CSMD3: variants seen among roughly 807,000 people sequenced by gnomAD.
CSMD3 encodes the protein CUB and Sushi multiple domains 3, also known as CUB and sushi domain-containing protein 3.
A neutral mutation model predicts 435.2 loss-of-function variants in CSMD3; 177 were observed. The observed-to-expected ratio is 0.41, with a 90% CI of 0.36 to 0.46. The LOEUF is 0.46. CSMD3 is among the 20% of genes least tolerant of loss of function. The pLI is 0.34. For synonymous variants in CSMD3, 1,656 were observed against 1,520.5 expected, an observed-to-expected ratio of 1.09 and a Z score of -2.07; for missense variants, 4,265 against 4,504.6, an observed-to-expected ratio of 0.95 and a Z score of 1.52.
chr8:112,734,756 ATG>A (rs1205833586), intron 13 of CSMD3, among the ~76,000 whole-genome samples: 1 of 151,872 alleles, frequency 6.6e-6, no homozygotes. Context: ...TTAACTGTAA[ATG>A]TGAATAAGTT....
chr8:112,729,180 T>C (rs1351230436), intron 13 of CSMD3, among the ~76,000 whole-genome samples: 2 of 151,944 alleles, frequency 1.3e-5, no homozygotes, highest in African/African-American at 4.8e-5. Flanking sequence ...CAAAAGTGAA[T>C]GAGAGTGCAG....
intron 6 of CSMD3, among the ~76,000 whole-genome samples, chr8:112,992,769 A>C (rs944882783): frequency 2.0e-5 from 3 of 151,598 alleles, no homozygotes; most frequent in African/African-American, 7.3e-5. Context: ...CTTCACTGTC[A>C]ATGGGTAGTG....
At chr8:112,425,926 A>C (rs1813022691) in intron 32 of CSMD3, among the ~76,000 whole-genome samples, 1 of 152,200 alleles carries the variant, frequency 6.6e-6, no homozygotes, top group African/African-American at 2.4e-5. Context: ...GAAGAAACAC[A>C]CACTGAAGTT....
At chr8:112,479,971 T>C (rs992934635) in intron 31 of CSMD3, among the ~76,000 whole-genome samples, 24 of 152,264 alleles carry the variant, frequency 1.6e-4, no homozygotes, top group African/African-American at 5.8e-4. Context: ...AGCTTGCACC[T>C]CTGCCTGGAA....
intron 18 of CSMD3, 137 bp downstream of exon 18, chr8:112,656,017 A>G (rs2131659488): frequency 1.7e-6 from 1 of 597,458 alleles, no homozygotes; most frequent in Middle Eastern, 4.4e-4. Context: ...CACCTTATAA[A>G]GCATTAACAT....
chr8:112,769,778 T>TA (rs1471851928), intron 13 of CSMD3, among the ~76,000 whole-genome samples: 26 of 152,032 alleles, frequency 1.7e-4, no homozygotes, highest in African/African-American at 6.3e-4. Flanking sequence ...GAGTTATAAT[T>TA]AAAAATCCCA....
At chr8:112,586,762 T>C (rs998828238) in intron 23 of CSMD3, among the ~76,000 whole-genome samples, 2 of 151,280 alleles carry the variant, frequency 1.3e-5, no homozygotes, top group Admixed American at 1.3e-4. Flanking sequence ...TAATAATTTA[T>C]TAGACAAGAT....
chr8:113,304,699 G>A (rs2093803346), intron 2 of CSMD3, among the ~76,000 whole-genome samples: 1 of 133,156 alleles, frequency 7.5e-6, no homozygotes, highest in African/African-American at 2.8e-5. Context: ...TCACTCATAG[G>A]TGGGAATTGA....
chr8:112,929,437 T>C (rs536870204), intron 9 of CSMD3, among the ~76,000 whole-genome samples: 37 of 152,158 alleles, frequency 2.4e-4, no homozygotes, highest in South Asian at 1.5e-3. Context: ...CTATTAAAAA[T>C]GTGAGAGCTG....
At chr8:112,624,250 G>T (rs1056510502) in intron 22 of CSMD3, among the ~76,000 whole-genome samples, 30 of 151,970 alleles carry the variant, frequency 2.0e-4, no homozygotes, top group Non-Finnish European at 2.4e-4. Context: ...ATTTGGCAAT[G>T]ACTTAAATAT....
intron 22 of CSMD3, among the ~76,000 whole-genome samples, chr8:112,614,238 T>G (rs1402249210): frequency 6.6e-6 from 1 of 152,130 alleles, no homozygotes; most frequent in African/African-American, 2.4e-5. Flanking sequence ...TGGAGTGCCC[T>G]AATTGCCATG....
chr8:113,198,370 A>G (rs547061771), intron 3 of CSMD3, among the ~76,000 whole-genome samples: 2 of 151,394 alleles, frequency 1.3e-5, no homozygotes, highest in African/African-American at 4.8e-5. Flanking sequence ...TCCATGTGGA[A>G]TTGGAGTTGA....
At chr8:113,375,136 A>G (rs1275428969) in intron 1 of CSMD3, among the ~76,000 whole-genome samples, 4 of 152,304 alleles carry the variant, frequency 2.6e-5, no homozygotes, top group South Asian at 4.1e-4. Flanking sequence ...ATAATGGTGA[A>G]AAACGATGTC....
At chr8:112,981,219 A>C (rs2085041557) in intron 6 of CSMD3, among the ~76,000 whole-genome samples, 1 of 151,358 alleles carries the variant, frequency 6.6e-6, no homozygotes, top group Non-Finnish European at 1.5e-5. Context: ...AACTGCAGCA[A>C]TTAAATTATG....
intron 41 of CSMD3, 117 bp from the exon 42 acceptor site, chr8:112,341,803 AT>A: frequency 1.3e-6 from 1 of 755,756 alleles, no homozygotes; most frequent in Non-Finnish European, 2.3e-6. Flanking sequence ...GTCAAGAGGC[AT>A]AATCTCAAGA....
chr8:112,332,765 G>A (rs1222873040), intron 45 of CSMD3, among the ~76,000 whole-genome samples: 2 of 152,034 alleles, frequency 1.3e-5, no homozygotes, highest in Non-Finnish European at 2.9e-5. Flanking sequence ...TGTCCTATTT[G>A]AAAAATCTAA....
intron 70 of CSMD3, among the ~76,000 whole-genome samples, chr8:112,226,951 G>A (rs1175964112): frequency 6.6e-6 from 1 of 152,148 alleles, no homozygotes; most frequent in Non-Finnish European, 1.5e-5. Context: ...GGACAAAGCA[G>A]AACCTTTATC....
At chr8:112,324,447 C>T (rs1454727580) in intron 45 of CSMD3, among the ~76,000 whole-genome samples, 1 of 151,980 alleles carries the variant, frequency 6.6e-6, no homozygotes, top group East Asian at 1.9e-4. Flanking sequence ...CTGCCAGATG[C>T]CAGAAACCAT....
At chr8:113,182,981 C>T (rs1317870969) in intron 3 of CSMD3, among the ~76,000 whole-genome samples, 1 of 151,958 alleles carries the variant, frequency 6.6e-6, no homozygotes, top group Admixed American at 6.6e-5. Flanking sequence ...CAATACATAA[C>T]CCCATGTGGG....
Sources: allele counts gnomAD v4.1 joint callset (sites outside exome capture counted in the v4.1 genomes callset), GRCh38; gene constraint gnomAD v4.1.1; transcripts MANE v1.5; gene names NCBI Gene and HGNC (gene_info 2026-07-23, HGNC 2026-07-21).